The following DCDC1 variants were observed in gnomAD, a reference collection of about 807,000 sequenced individuals.
The protein encoded by DCDC1 is doublecortin domain containing 1.
DCDC1 carries 200 observed loss-of-function variants against 178.3 expected under a neutral mutation model. The ratio of observed to expected loss-of-function variants is 1.12; its 90% CI spans 1.00 to 1.26. The LOEUF is 1.26. Ranked by LOEUF, DCDC1 falls within the 50% of genes most tolerant of loss-of-function variation. The pLI is 0.00. For synonymous variants in DCDC1, 690 were observed against 604.8 expected, an observed-to-expected ratio of 1.14 and a Z score of -2.07; for missense variants, 1,983 against 1,749.2, an observed-to-expected ratio of 1.13 and a Z score of -2.38.
rs770793603 is a variant in DCDC1 at position 31,094,057 on chromosome 11, A to G, written c.2111T>C (p.Ile704Thr). The change falls in exon 16 of 39, where the codon ATC becomes ACC. Residue 704 changes from isoleucine to threonine, a missense_variant. By Grantham distance (89) the Ile-to-Thr change is moderately conservative. Transcript: ENST00000684477. The stretch of plus-strand genomic sequence containing the variant: ...GCAGACACTCTTAGGTACCTTGGTG[A>G]TCAGCCACACACTGGCTACAGGCCA... Reference protein sequence around the residue: ...ILWPVASVWLITKTGMILSRA... With the variant: ...ILWPVASVWLTTKTGMILSRA... The G allele has an allele frequency of 1.3e-6, 1 of 766,154 alleles. No individual in the cohort carries two copies. The highest frequency in any genetic ancestry group is 2.4e-6 in the Non-Finnish European group (1 of 417,740). 47.5% of individuals were successfully genotyped at this position (766,154 alleles called of 1,614,324 possible).
At chr11:31,334,146 A>ACTCTTTCTT (rs1288382782) in intron 2 of DCDC1, among the ~76,000 whole-genome samples, 1 of 151,822 alleles carries the variant, frequency 6.6e-6, no homozygotes, top group Non-Finnish European at 1.5e-5. Context: ...AACCACTGAT[A>ACTCTTTCTT]CTCTTTCTTC....
Position 30,905,925 on chromosome 11 carries a change from T to C in DCDC1, c.4104+615A>G, listed in dbSNP as rs190380545. On this transcript the variant is annotated intron_variant, in intron 30 of 38. Transcript: ENST00000684477. ...CTGAAGAGCACACCAGACTGGAAGA[T>C]ATATTCCACCTTTTAGGAATCGCTC... Among the ~76,000 whole-genome samples the C allele has an allele frequency of 5.9e-5, 9 of 152,304 alleles. No individual in the cohort carries two copies. The East Asian group carries it at 1.5e-3, about 26-fold the overall frequency.
chr11:31,202,757 GCAGA>G (rs1157362075), intron 9 of DCDC1, among the ~76,000 whole-genome samples: 1 of 152,224 alleles, frequency 6.6e-6, no homozygotes. Flanking sequence ...AAGTGTGGAA[GCAGA>G]CAGAGTTTGT....
At chr11:31,339,651 G>A (rs1362804444) in intron 1 of DCDC1, among the ~76,000 whole-genome samples, 1 of 152,172 alleles carries the variant, frequency 6.6e-6, no homozygotes, top group African/African-American at 2.4e-5. Flanking sequence ...CTAGGACATA[G>A]TAGGTATGCA....
At chr11:31,178,064 C>A (rs1229562290) in intron 9 of DCDC1, among the ~76,000 whole-genome samples, 1 of 152,174 alleles carries the variant, frequency 6.6e-6, no homozygotes, top group Non-Finnish European at 1.5e-5. Flanking sequence ...TTTCATAAAA[C>A]AGCTGCAGAA....
intron 7 of DCDC1, among the ~76,000 whole-genome samples, chr11:31,269,962 T>C (rs188632523): frequency 6.6e-6 from 1 of 152,206 alleles, no homozygotes; most frequent in African/African-American, 2.4e-5. Context: ...CCGTAGGTCA[T>C]ATGAACCAGG....
chr11:31,355,434 T>C (rs1951290649), intron 1 of DCDC1, among the ~76,000 whole-genome samples: 1 of 152,212 alleles, frequency 6.6e-6, no homozygotes, highest in Admixed American at 6.5e-5. Flanking sequence ...AGGAGACTTG[T>C]TGTTCCTCAT....
chr11:31,346,396 G>A (rs1236130703), intron 1 of DCDC1, among the ~76,000 whole-genome samples: 1 of 150,068 alleles, frequency 6.7e-6, no homozygotes, highest in Non-Finnish European at 1.5e-5. Flanking sequence ...CCCGGGAGGC[G>A]GAGATTGCGG....
intron 9 of DCDC1, among the ~76,000 whole-genome samples, chr11:31,202,329 G>A (rs1015742430): frequency 1.1e-4 from 17 of 152,058 alleles, no homozygotes; most frequent in Admixed American, 4.6e-4. Flanking sequence ...TTGGGACGCC[G>A]AGGCGGGTGG....
chr11:31,151,643 T>G (rs535359195), intron 9 of DCDC1, among the ~76,000 whole-genome samples: 1 of 152,320 alleles, frequency 6.6e-6, no homozygotes, highest in African/African-American at 2.4e-5. Context: ...GTATTTAATA[T>G]TTTAGACATT....
intron 23 of DCDC1, among the ~76,000 whole-genome samples, chr11:30,923,191 C>T (rs369110340): frequency 3.8e-4 from 58 of 152,252 alleles, no homozygotes; most frequent in East Asian, 1.2e-3. Flanking sequence ...TTCATTTACA[C>T]GTTGTCTATG....
intron 20 of DCDC1, among the ~76,000 whole-genome samples, chr11:30,977,811 C>A (rs989066930): frequency 4.6e-5 from 7 of 152,068 alleles, no homozygotes; most frequent in African/African-American, 1.7e-4. Flanking sequence ...TGCCTGTATT[C>A]CCAGCTACTC....
At chr11:31,153,859 GCACACACA>G (rs56888014) in intron 9 of DCDC1, among the ~76,000 whole-genome samples, 3 of 137,920 alleles carry the variant, frequency 2.2e-5, no homozygotes, top group African/African-American at 5.3e-5. Context: ...ACAGTGTCAT[GCACACACA>G]CACACACACA....
intron 1 of DCDC1, among the ~76,000 whole-genome samples, chr11:31,354,163 G>A (rs60157671): frequency 1.3e-4 from 20 of 152,262 alleles, no homozygotes; most frequent in African/African-American, 4.8e-4. Context: ...GCATGTGCCT[G>A]TAGTACCAGC....
chr11:30,978,903 G>T (rs920987914), intron 20 of DCDC1, among the ~76,000 whole-genome samples: 1 of 151,200 alleles, frequency 6.6e-6, no homozygotes, highest in Non-Finnish European at 1.5e-5. Context: ...CCCATATATG[G>T]ATAAGAATAT....
At chr11:31,016,880 A>G (rs953585964) in intron 20 of DCDC1, among the ~76,000 whole-genome samples, 1 of 152,228 alleles carries the variant, frequency 6.6e-6, no homozygotes, top group South Asian at 2.1e-4. Flanking sequence ...AACCACTGTC[A>G]TATTAAGTTT....
intron 21 of DCDC1, among the ~76,000 whole-genome samples, chr11:30,942,258 T>G (rs1196545224): frequency 6.6e-6 from 1 of 152,150 alleles, no homozygotes; most frequent in Non-Finnish European, 1.5e-5. Flanking sequence ...AGGGAAGTAG[T>G]GGGATGGAGT....
chr11:31,069,934 TACA>T (rs1956454952), intron 18 of DCDC1, among the ~76,000 whole-genome samples: 2 of 152,100 alleles, frequency 1.3e-5, no homozygotes, highest in African/African-American at 4.8e-5. Context: ...AGACCAAAAG[TACA>T]ACAATGACAA....
chr11:31,069,263 C>T (rs918332861), intron 18 of DCDC1, among the ~76,000 whole-genome samples: 5 of 152,004 alleles, frequency 3.3e-5, no homozygotes, highest in Admixed American at 1.3e-4. Context: ...AATTTTGGAA[C>T]GAGATTTTTG....
Sources: gnomAD v4.1 joint callset for allele counts (sites outside exome capture counted in the v4.1 genomes callset) on GRCh38, gnomAD v4.1.1 for gene constraint, MANE v1.5 for transcripts, NCBI Gene and HGNC (gene_info 2026-07-23, HGNC 2026-07-21) for gene names.